The following MCOLN2 variants were observed in gnomAD, a reference collection of about 807,000 sequenced individuals.
MCOLN2 encodes the protein mucolipin-2.
MCOLN2 carries 57 observed loss-of-function variants against 67.5 expected under a neutral mutation model. The ratio of observed to expected loss-of-function variants is 0.84; its 90% CI spans 0.68 to 1.05. MCOLN2 has a LOEUF of 1.05. Among genes scored for constraint, MCOLN2 ranks in the 50% least tolerant of loss-of-function variants. The pLI is 0.00. For missense variants in MCOLN2, 620 were observed against 678.8 expected (o/e 0.91, Z 0.96); for synonymous variants, 246 against 233.3 (o/e 1.05, Z -0.50).
rs1193166738 is a variant in MCOLN2, at chr1:84,926,146, A to C, written c.*539T>G. 6.6e-6 allele frequency: 1 copy of C among 152,574 alleles called. No individual in the cohort carries two copies. The highest frequency in any genetic ancestry group is 2.4e-5 in the African/African-American group (1 of 41,430). 9.5% of individuals were successfully genotyped at this position (152,574 alleles called of 1,614,324 possible). A position where few individuals can be genotyped will look rare whatever the true frequency, so the allele number is the denominator to read the frequency against. ...CTCAGTCTGCCTGCCTAGGCCTCCC[A>C]AAGTGCTGGGATTACAGGTGTGAAC... On this transcript the variant is annotated 3_prime_UTR_variant, in exon 14 of 14. Transcript: ENST00000370608.
intron 8 of MCOLN2, 99 bp downstream of exon 8, chr1:84,940,780 C>G (rs1305763260): frequency 4.3e-6 from 3 of 697,120 alleles, no homozygotes; most frequent in African/African-American, 1.8e-5. Context: ...AGTCAAAGGT[C>G]TCCAAAAAAG....
Position 84,939,666 on chromosome 1 carries a change from G to A in MCOLN2, c.997C>T (p.Pro333Ser), listed in dbSNP as rs1191417359. 2 of 1,613,984 alleles carry A rather than the reference G, an allele frequency of 1.2e-6. No homozygotes were observed. Among genetic ancestry groups the A allele is most frequent in the Non-Finnish European group, 1.7e-6 (2 of 1,179,908 alleles). ...TCCCACTGGTCGGTGTCACACACAG[G>A]CCGCTTGTACTTCTCCAGGAAGAAA... Reference protein sequence around the residue: ...LNFFLEKYKRPVCDTDQWEFI... With the variant: ...LNFFLEKYKRSVCDTDQWEFI... Residue 333 changes from proline to serine, a missense_variant, in exon 9 of 14, where the codon CCT (proline) becomes TCT (serine). Coordinates refer to ENST00000370608, the MANE Select transcript of MCOLN2 (RefSeq NM_153259.4).
At chr1:84,967,015 T>G (rs756745165) in intron 1 of MCOLN2, among the ~76,000 whole-genome samples, 8 of 152,236 alleles carry the variant, frequency 5.3e-5, no homozygotes, top group Non-Finnish European at 1.0e-4. Flanking sequence ...TAGTATCCAG[T>G]AGCATATCAT....
At chr1:84,931,268 T>C (rs1661387487) in intron 12 of MCOLN2, 94 bp downstream of exon 12, 1 of 830,140 alleles carries the variant, frequency 1.2e-6, no homozygotes, top group Non-Finnish European at 2.0e-6. Flanking sequence ...AAATCTGAAC[T>C]GTAATATTTT....
At chr1:84,967,062 T>G (rs988600290) in intron 1 of MCOLN2, among the ~76,000 whole-genome samples, 1 of 152,232 alleles carries the variant, frequency 6.6e-6, no homozygotes, top group Non-Finnish European at 1.5e-5. Context: ...ACTATTATGC[T>G]CAACTTTTAC....
chr1:84,997,086 C>G lies in MCOLN2; in HGVS notation c.-214G>C. ...CAGTCGTGGAGTGCGGCGGGCAGTT[C>G]TCGGGCGGCTGAAAGGCGGCTCTGT... On this transcript the variant is annotated 5_prime_UTR_variant, in exon 1 of 14. Coordinates refer to ENST00000370608, the MANE Select transcript of MCOLN2 (RefSeq NM_153259.4). 3.5e-6 allele frequency: 2 copies of G among 578,544 alleles called. No individual in the cohort carries two copies. Among genetic ancestry groups the G allele is most frequent in the Non-Finnish European group, 3.1e-6 (1 of 327,632 alleles). The allele number at this position is 578,544 out of a possible 1,614,324, so 35.8% of individuals were successfully genotyped here.
chr1:84,947,185 T>A lies in MCOLN2; in HGVS notation c.748-53A>T. The A allele has an allele frequency of 4.4e-6, 4 of 913,974 alleles. No homozygotes were observed. The East Asian group carries it at 9.6e-5, about 22-fold the overall frequency. 56.6% of individuals were successfully genotyped at this position (913,974 alleles called of 1,614,324 possible). A position where few individuals can be genotyped will look rare whatever the true frequency, so the allele number is the denominator to read the frequency against. On this transcript the variant is annotated intron_variant, in intron 6 of 13. Transcript: ENST00000370608. ...ACAACACAGAAGAAAGTATAACATG[T>A]TAGATCAAATCTGCTTAAAAAAAAA...
At chr1:84,938,119 A>C in intron 9 of MCOLN2, 37 bp from the exon 10 acceptor site, 1 of 1,479,814 alleles carries the variant, frequency 6.8e-7, no homozygotes, top group Non-Finnish European at 9.4e-7. Context: ...GAAATGAGTA[A>C]AATATTTGAC....
intron 7 of MCOLN2, among the ~76,000 whole-genome samples, chr1:84,943,064 C>T (rs762340397): frequency 2.6e-5 from 4 of 152,200 alleles, no homozygotes; most frequent in East Asian, 1.9e-4. Context: ...GAATACAGCA[C>T]CTGTGCTTAG....
chr1:84,956,462 C>G lies in MCOLN2; in HGVS notation c.534G>C (p.Glu178Asp). ...CAACGTCGTTGTCAATATTCAGTGT[C>G]TCATTAGAAGGAAACATGGTCCCTT... is the stretch of plus-strand genomic sequence containing the variant. ...YKKGTMFPSNETLNIDNDVEL... is the reference protein window; with the variant it reads ...YKKGTMFPSNDTLNIDNDVEL... The change falls in exon 4 of 14, where the codon GAG becomes GAC. Residue 178 changes from glutamate to aspartate, a missense_variant. Glu to Asp is a conservative substitution (Grantham distance 45, BLOSUM62 2). Transcript: ENST00000370608. 1 of 1,611,254 alleles carries G rather than the reference C, an allele frequency of 6.2e-7. No homozygotes were observed. Among genetic ancestry groups the G allele is most frequent in the Non-Finnish European group, 8.5e-7 (1 of 1,179,120 alleles).
chr1:84,955,992 C>G (rs1379202948), intron 4 of MCOLN2, among the ~76,000 whole-genome samples: 1 of 152,166 alleles, frequency 6.6e-6, no homozygotes, highest in Non-Finnish European at 1.5e-5. Flanking sequence ...GCCAAGGGAT[C>G]TCCTAAGAGA....
chr1:84,952,157 G>A (rs1557643010), intron 6 of MCOLN2, 86 bp downstream of exon 6: 1 of 811,432 alleles, frequency 1.2e-6, no homozygotes, highest in East Asian at 2.6e-5. Context: ...TAACACATCT[G>A]TAGGCTGCTG....
In MCOLN2 at chr1:84,926,480, C is replaced by G. The variant is rs1661163502; in HGVS notation, c.*205G>C. 1 of 413,970 alleles carries G rather than the reference C, an allele frequency of 2.4e-6. No individual in the cohort carries two copies. The allele number at this position is 413,970 out of a possible 1,614,324, so 25.6% of individuals were successfully genotyped here. On this transcript the variant is annotated 3_prime_UTR_variant, in exon 14 of 14. Coordinates refer to ENST00000370608, the MANE Select transcript of MCOLN2 (RefSeq NM_153259.4). ...ATATTGCACTAATGCCCAGTAGTAG[C>G]CCATGGTCTATTCTTTATCATTCAA...
chr1:84,958,999 C>A (rs1372257320), intron 2 of MCOLN2, among the ~76,000 whole-genome samples: 5 of 152,124 alleles, frequency 3.3e-5, no homozygotes, highest in African/African-American at 1.2e-4. Flanking sequence ...AGTCTCAATC[C>A]ATTTTTCTTA....
intron 13 of MCOLN2, among the ~76,000 whole-genome samples, chr1:84,927,002 T>C (rs1053102786): frequency 2.1e-5 from 3 of 145,232 alleles, no homozygotes; most frequent in African/African-American, 5.2e-5. Context: ...AGAACCTCCA[T>C]GCCCCCAGGG....
At chr1:84,939,414 G>C in intron 9 of MCOLN2, 139 bp downstream of exon 9, 1 of 819,394 alleles carries the variant, frequency 1.2e-6, no homozygotes, top group East Asian at 2.6e-5. Context: ...ACCAAGCCAG[G>C]GGAGGCCTCA....
At position 84,981,077 on chromosome 1, in the gene MCOLN2, A is replaced by G. The variant is rs376460613; in HGVS notation, c.78-15369T>C. Among the ~76,000 whole-genome samples the G allele has an allele frequency of 2.6e-5, 4 of 151,938 alleles. No homozygotes were observed. In the East Asian group the frequency reaches 7.7e-4, roughly 29 times the overall value. On this transcript the variant is annotated intron_variant, in intron 1 of 13. Coordinates refer to ENST00000370608, the MANE Select transcript of MCOLN2 (RefSeq NM_153259.4). Reference sequence around the variant, plus strand: ...GGTGCTCAACATCACTGATCACTAGAGAAACGCAAATCAAAACTACAATGA... The same window carrying G: ...GGTGCTCAACATCACTGATCACTAGGGAAACGCAAATCAAAACTACAATGA...
intron 3 of MCOLN2, 96 bp from the exon 4 acceptor site, chr1:84,956,680 T>C: frequency 9.7e-7 from 1 of 1,034,098 alleles, no homozygotes. Context: ...TACTTTGTAT[T>C]GTTTACATCA....
chr1:84,961,020 T>C (rs1649062264), intron 2 of MCOLN2, among the ~76,000 whole-genome samples: 2 of 152,242 alleles, frequency 1.3e-5, no homozygotes, highest in Admixed American at 6.5e-5. Flanking sequence ...GACAGGAATG[T>C]TTTTCCTTTT....
Sources: gnomAD v4.1 joint callset for allele counts (sites outside exome capture counted in the v4.1 genomes callset) on GRCh38, gnomAD v4.1.1 for gene constraint, MANE v1.5 for transcripts, NCBI Gene and HGNC (gene_info 2026-07-23, HGNC 2026-07-21) for gene names.